TMEM266: variants seen among roughly 807,000 people sequenced by gnomAD.
The protein encoded by TMEM266 is Hv1 related protein 1.
In TMEM266, 33 loss-of-function variants were observed where a neutral mutation model predicts 50.5. That is an observed-to-expected ratio of 0.65 (90% CI 0.50 to 0.87). The LOEUF is 0.87. Ranked by LOEUF, TMEM266 falls within the 40% of genes least tolerant of loss-of-function variation. TMEM266 has a pLI of 0.00. For missense variants in TMEM266, 655 were observed against 695.1 expected, an observed-to-expected ratio of 0.94 and a Z score of 0.65; for synonymous variants, 310 against 292.3, an observed-to-expected ratio of 1.06 and a Z score of -0.62.
chr15:76,124,301 A>G (rs533002463), intron 1 of TMEM266, among the ~76,000 whole-genome samples: 2 of 152,358 alleles, frequency 1.3e-5, no homozygotes, highest in African/African-American at 4.8e-5. Context: ...TAAGGAATCT[A>G]TCACACACAA....
chr15:76,144,427 A>C (rs1423557591), intron 3 of TMEM266, among the ~76,000 whole-genome samples: 1 of 152,104 alleles, frequency 6.6e-6, no homozygotes, highest in Admixed American at 6.5e-5. Context: ...TCCAGTGCCC[A>C]TGAAGCTACT....
intron 8 of TMEM266, chr15:76,175,929 C>T: frequency 5.7e-6 from 2 of 351,816 alleles, no homozygotes; most frequent in South Asian, 3.7e-5. Flanking sequence ...GGTGACTCTT[C>T]AGCTCCCCAA....
intron 5 of TMEM266, among the ~76,000 whole-genome samples, chr15:76,163,614 C>A (rs543852121): frequency 2.8e-4 from 42 of 152,338 alleles, no homozygotes; most frequent in Non-Finnish European, 4.7e-4. Context: ...CCAGGCCCAG[C>A]TGGCCACTTG....
Position 76,197,029 on chromosome 15 carries a change from G to A in TMEM266, c.958+4872G>A, listed in dbSNP as rs937612138. Among the ~76,000 whole-genome samples, 16 of 152,314 alleles carry A rather than the reference G, an allele frequency of 1.1e-4. 1 individual carries two copies. Among genetic ancestry groups the A allele is most frequent in the Admixed American group, 2.6e-4 (4 of 15,298 alleles). On this transcript the variant is annotated intron_variant, in intron 9 of 10. Coordinates refer to ENST00000388942, the MANE Select transcript of TMEM266 (RefSeq NM_152335.3). ...ACCATATATCACAGGGAACCTTCGC[G>A]TCCCCCACGCTGCTGCAGCATCCAG... is the stretch of plus-strand genomic sequence containing the variant.
intron 4 of TMEM266, among the ~76,000 whole-genome samples, chr15:76,157,166 T>C (rs534891821): frequency 2.6e-5 from 4 of 152,188 alleles, no homozygotes; most frequent in Non-Finnish European, 5.9e-5. Flanking sequence ...TAACTAATTA[T>C]GACAGCGACC....
chr15:76,180,330 G>C (rs1262146628), intron 8 of TMEM266, among the ~76,000 whole-genome samples: 4 of 152,156 alleles, frequency 2.6e-5, no homozygotes, highest in African/African-American at 7.2e-5. Flanking sequence ...CTTTGTTTCT[G>C]ATGACCTGAA....
At chr15:76,132,758 G>A (rs1462438221) in intron 1 of TMEM266, among the ~76,000 whole-genome samples, 1 of 150,598 alleles carries the variant, frequency 6.6e-6, no homozygotes, top group African/African-American at 2.4e-5. Flanking sequence ...TTGCGCCACT[G>A]CACTCCAGCC....
At chr15:76,185,778 G>C (rs1397782613) in intron 8 of TMEM266, among the ~76,000 whole-genome samples, 1 of 152,180 alleles carries the variant, frequency 6.6e-6, no homozygotes, top group East Asian at 1.9e-4. Flanking sequence ...TTTTGGCAGG[G>C]AGTAGAGGAT....
At chr15:76,164,226 G>A (rs1298720075) in intron 5 of TMEM266, among the ~76,000 whole-genome samples, 2 of 152,038 alleles carry the variant, frequency 1.3e-5, no homozygotes, top group African/African-American at 4.8e-5. Context: ...TTCTTTTCGA[G>A]ACAGGGTCTC....
intron 7 of TMEM266, among the ~76,000 whole-genome samples, chr15:76,171,401 G>T (rs916194480): frequency 6.6e-6 from 1 of 152,160 alleles, no homozygotes; most frequent in Non-Finnish European, 1.5e-5. Context: ...TGTGAGCCTG[G>T]GGGGGCCAGC....
At chr15:76,060,759 A>C (rs2036285726) in intron 1 of TMEM266, among the ~76,000 whole-genome samples, 1 of 152,172 alleles carries the variant, frequency 6.6e-6, no homozygotes, top group Admixed American at 6.5e-5. Context: ...GAACATGACT[A>C]AAGCTAGCCA....
chr15:76,119,631 G>A (rs1009005317), intron 1 of TMEM266, among the ~76,000 whole-genome samples: 1 of 152,048 alleles, frequency 6.6e-6, no homozygotes, highest in African/African-American at 2.4e-5. Context: ...GCCAGGTATG[G>A]TGGAGAGCCC....
At chr15:76,171,156 T>G (rs1045751149) in intron 7 of TMEM266, 25 bp downstream of exon 7, 3 of 1,609,128 alleles carry the variant, frequency 1.9e-6, no homozygotes, top group Non-Finnish European at 2.5e-6. Context: ...GGGGGTGTGG[T>G]CAGTGGGGCT....
In TMEM266 at chr15:76,204,122, C is replaced by T. The variant is rs1041161642; in HGVS notation, c.1403C>T (p.Pro468Leu). Residue 468 changes from proline (P) to leucine (L), a missense_variant, in exon 11 of 11, where the codon CCA becomes CTA. Around this residue, in one of 3 missense-constraint regions of TMEM266, gnomAD observed 455 missense variants for 401.8 expected, o/e 1.13. Transcript: ENST00000388942. ...CCAGCCCCCCTCGCCCGGCCCAGCC[C>T]AGCGGGCTCGGCCCAAACCAGCCCC... ...PSPAGSAQTS[P>L]ELEHRVSLFN... 3 of 1,613,112 alleles carry T rather than the reference C, an allele frequency of 1.9e-6. No homozygotes were observed. Among genetic ancestry groups the T allele is most frequent in the Admixed American group, 1.7e-5 (1 of 60,022 alleles).
chr15:76,135,331 G>A lies in TMEM266; in HGVS notation c.38+1030G>A, dbSNP rs548184514. On this transcript the variant is annotated intron_variant, in intron 2 of 10. Coordinates refer to ENST00000388942, the MANE Select transcript of TMEM266 (RefSeq NM_152335.3). ...GTGGGACCTTCACCTCACCAGAGGG[G>A]GCCTTGTCTCTCTGCTGAGGTGACC... Among the ~76,000 whole-genome samples the A allele has an allele frequency of 8.5e-5, 13 of 152,304 alleles. No homozygotes were observed. The South Asian group carries it at 2.5e-3, about 29-fold the overall frequency.
At chr15:76,084,704 A>G (rs2955735) in intron 1 of TMEM266, among the ~76,000 whole-genome samples, 122,757 of 151,400 alleles carry the variant, frequency 0.81, 49,850 homozygotes, top group Admixed American at 0.86. Flanking sequence ...GGGTTCAAGC[A>G]ATTCTTCTGC....
chr15:76,089,461 G>A (rs867478995), intron 1 of TMEM266, among the ~76,000 whole-genome samples: 1 of 152,074 alleles, frequency 6.6e-6, no homozygotes, highest in Non-Finnish European at 1.5e-5. Context: ...CCAAAGTGCT[G>A]GGATTACAGG....
chr15:76,091,699 C>T (rs2036850586), intron 1 of TMEM266, among the ~76,000 whole-genome samples: 1 of 151,538 alleles, frequency 6.6e-6, no homozygotes, highest in South Asian at 2.1e-4. Context: ...TAAAGAAAAA[C>T]CTATGGAGGC....
In TMEM266 at chr15:76,191,913, G is replaced by T. The variant is rs2038578213; in HGVS notation, c.769-55G>T. ...AGCAAAGCGCCCAGAGGTCAGGCTG[G>T]AGGCCCCCGCCGGCCCCTCGCCGCT... On this transcript the variant is annotated intron_variant, in intron 8 of 10. Coordinates refer to ENST00000388942, the MANE Select transcript of TMEM266 (RefSeq NM_152335.3). 8 of 1,490,278 alleles carry T rather than the reference G, an allele frequency of 5.4e-6. 1 individual carries two copies. The South Asian group carries it at 9.3e-5, about 17-fold the overall frequency. 92.3% of individuals were successfully genotyped at this position (1,490,278 alleles called of 1,614,324 possible).
Sources: allele counts gnomAD v4.1 joint callset (sites outside exome capture counted in the v4.1 genomes callset), GRCh38; gene constraint gnomAD v4.1.1; regional missense constraint gnomAD v4.1.1; transcripts MANE v1.5; gene names NCBI Gene and HGNC (gene_info 2026-07-23, HGNC 2026-07-21).